UXS1: variants seen among roughly 807,000 people sequenced by gnomAD.
The protein encoded by UXS1 is UDP-glucuronic acid decarboxylase 1.
A neutral mutation model predicts 62.6 loss-of-function variants in UXS1; 33 were observed. That is an observed-to-expected ratio of 0.53 (90% CI 0.40 to 0.70). The LOEUF (loss-of-function observed/expected upper bound fraction) is 0.70, where lower values mean the gene tolerates loss of function less well. UXS1 is among the 30% of genes least tolerant of loss of function. The pLI is 0.00. For missense variants in UXS1, 434 were observed against 556.3 expected (o/e 0.78, Z 2.21); for synonymous variants, 213 against 206.8 (o/e 1.03, Z -0.26).
intron 1 of UXS1, among the ~76,000 whole-genome samples, chr2:106,191,900 T>C (rs534600611): frequency 1.1e-4 from 16 of 152,326 alleles, no homozygotes; most frequent in African/African-American, 3.8e-4. Context: ...TAATTTAACC[T>C]TCATTTCCAA....
chr2:106,105,557 G>A (rs1263134205), intron 10 of UXS1, among the ~76,000 whole-genome samples: 2 of 152,160 alleles, frequency 1.3e-5, no homozygotes, highest in Admixed American at 6.5e-5. Context: ...GCCACCTCCT[G>A]GAGAAGCTTC....
rs1417120469 is a variant in UXS1, at chr2:106,105,991, C to A, written c.880-1154G>T. ...GTGAACAGCACCAGCCCCCTCAGCA[C>A]CAGACACTCAGCCTGGCTTTCCCAG... On this transcript the variant is annotated intron_variant, in intron 10 of 14. Coordinates refer to ENST00000283148, the MANE Select transcript of UXS1 (RefSeq NM_001253875.2). Among the ~76,000 whole-genome samples the A allele has an allele frequency of 2.6e-5, 4 of 152,284 alleles. No individual in the cohort carries two copies. The East Asian group carries it at 7.7e-4, about 29-fold the overall frequency.
chr2:106,168,994 A>G (rs1402526197), intron 1 of UXS1, among the ~76,000 whole-genome samples: 1 of 152,166 alleles, frequency 6.6e-6, no homozygotes. Context: ...AAAAAAGTTT[A>G]GTTACTTTTA....
intron 6 of UXS1, chr2:106,138,137 T>C (rs2104970307): frequency 1.0e-6 from 1 of 983,028 alleles, no homozygotes; most frequent in Non-Finnish European, 1.2e-6. Flanking sequence ...AGGAAGCCTC[T>C]CCGACATCAA....
At chr2:106,145,104 C>T in intron 6 of UXS1, 86 bp downstream of exon 6, 1 of 1,455,226 alleles carries the variant, frequency 6.9e-7, no homozygotes, top group Non-Finnish European at 9.3e-7. Flanking sequence ...TGTGCTGAGT[C>T]AAACAGCTTA....
At chr2:106,121,001 C>T (rs925341214) in intron 9 of UXS1, among the ~76,000 whole-genome samples, 1 of 152,148 alleles carries the variant, frequency 6.6e-6, no homozygotes, top group Non-Finnish European at 1.5e-5. Flanking sequence ...ATTAAGCTCC[C>T]GAGACCTATG....
intron 3 of UXS1, among the ~76,000 whole-genome samples, chr2:106,164,027 GA>G (rs1683061683): frequency 6.6e-6 from 1 of 152,130 alleles, no homozygotes; most frequent in Non-Finnish European, 1.5e-5. Flanking sequence ...CTCTTTTTAG[GA>G]ACAATCCCCT....
chr2:106,127,949 C>T (rs1197454801), intron 7 of UXS1, among the ~76,000 whole-genome samples: 1 of 152,140 alleles, frequency 6.6e-6, no homozygotes, highest in Non-Finnish European at 1.5e-5. Flanking sequence ...TAGGTATCAT[C>T]GACGCTTGTG....
At chr2:106,159,018 G>GCCC (rs1217870971) in intron 4 of UXS1, 2 of 152,084 alleles carry the variant, frequency 1.3e-5, no homozygotes, top group African/African-American at 4.8e-5. Context: ...AGCTCCCCAG[G>GCCC]CCCCCACCCA....
chr2:106,147,419 A>G (rs1336520207), intron 5 of UXS1, among the ~76,000 whole-genome samples: 1 of 152,238 alleles, frequency 6.6e-6, no homozygotes, highest in Non-Finnish European at 1.5e-5. Context: ...CTTCCTTGTC[A>G]TAACTTAGAT....
chr2:106,191,819 C>T (rs1163961192), intron 1 of UXS1, among the ~76,000 whole-genome samples: 2 of 152,242 alleles, frequency 1.3e-5, no homozygotes. Context: ...ACAAAACAAA[C>T]GTACCTGATT....
chr2:106,147,966 G>C (rs1681704555), intron 5 of UXS1, among the ~76,000 whole-genome samples: 2 of 152,200 alleles, frequency 1.3e-5, no homozygotes, highest in African/African-American at 4.8e-5. Flanking sequence ...GGATGGGTGA[G>C]ACCAGGCATC....
Position 106,139,304 on chromosome 2 carries a change from A to G in UXS1, c.472+5886T>C, listed in dbSNP as rs1363211412. 2.6e-5 allele frequency among the ~76,000 whole-genome samples: 4 copies of G among 152,298 alleles called. No homozygotes were observed. In the East Asian group the frequency reaches 7.7e-4, roughly 29 times the overall value. ...AGCTAGAAAAATAGAAGTCTCAAGA[A>G]ATGAGCCTAAAAGAGCTCCAATTAA... On this transcript the variant is annotated intron_variant, in intron 6 of 14. Coordinates refer to ENST00000283148, the MANE Select transcript of UXS1 (RefSeq NM_001253875.2).
chr2:106,170,587 T>C (rs540620346), intron 1 of UXS1, among the ~76,000 whole-genome samples: 2 of 152,352 alleles, frequency 1.3e-5, no homozygotes, highest in Non-Finnish European at 2.9e-5. Context: ...TCAAGTGTTG[T>C]GGCCTCCTTT....
At chr2:106,186,457 T>TATACACACAC (rs375660148) in intron 1 of UXS1, among the ~76,000 whole-genome samples, 7,228 of 148,678 alleles carry the variant, frequency 0.049, 247 homozygotes, top group Non-Finnish European at 0.074. Context: ...TATATATATA[T>TATACACACAC]ACACACACAC....
rs537595452 is a variant in UXS1 at position 106,107,983 on chromosome 2, G to A, written c.880-3146C>T. ...TCTGCCTGGGCTGCAGTGGAAAGGCGTGGATCCCGTGGGACGCCCACTGCA... is the reference window on the plus strand; with the variant it reads ...TCTGCCTGGGCTGCAGTGGAAAGGCATGGATCCCGTGGGACGCCCACTGCA... On this transcript the variant is annotated intron_variant, in intron 10 of 14. Transcript: ENST00000283148. 2.6e-5 allele frequency among the ~76,000 whole-genome samples: 4 copies of A among 152,360 alleles called. No homozygotes were observed. In the South Asian group the frequency reaches 6.2e-4, roughly 24 times the overall value.
At chr2:106,141,115 A>C (rs73951227) in intron 6 of UXS1, among the ~76,000 whole-genome samples, 163 of 152,368 alleles carry the variant, frequency 1.1e-3, no homozygotes, top group African/African-American at 3.5e-3. Flanking sequence ...ATTCATAAGA[A>C]GACGACTTGC....
At chr2:106,131,228 T>C (rs1351957076) in intron 6 of UXS1, among the ~76,000 whole-genome samples, 3 of 149,672 alleles carry the variant, frequency 2.0e-5, no homozygotes, top group South Asian at 2.2e-4. Context: ...CACGAGACTA[T>C]ATCCCACACC....
chr2:106,099,138 C>CT (rs1443033330), intron 12 of UXS1, among the ~76,000 whole-genome samples: 1 of 152,196 alleles, frequency 6.6e-6, no homozygotes, highest in Non-Finnish European at 1.5e-5. Flanking sequence ...TCTCCTAACA[C>CT]TATCTATTCC....
Sources: gnomAD v4.1 joint callset for allele counts (sites outside exome capture counted in the v4.1 genomes callset) on GRCh38, gnomAD v4.1.1 for gene constraint, MANE v1.5 for transcripts, NCBI Gene and HGNC (gene_info 2026-07-23, HGNC 2026-07-21) for gene names.